The following CERS6 variants were observed in gnomAD, a reference collection of about 807,000 sequenced individuals.
The protein encoded by CERS6 is ceramide synthase 6, also known as LAG1 homolog, ceramide synthase 6.
A neutral mutation model predicts 56.8 loss-of-function variants in CERS6; 26 were observed. That is an observed-to-expected ratio of 0.46 (90% CI 0.34 to 0.63). CERS6 has a LOEUF of 0.63. Ranked by LOEUF, CERS6 falls within the 30% of genes least tolerant of loss-of-function variation. The pLI is 0.01. For synonymous variants in CERS6, 164 were observed against 173.3 expected, an observed-to-expected ratio of 0.95 and a Z score of 0.42; for missense variants, 415 against 467.5, an observed-to-expected ratio of 0.89 and a Z score of 1.04.
intron 2 of CERS6, among the ~76,000 whole-genome samples, chr2:168,552,796 C>A (rs1286356745): frequency 6.6e-6 from 1 of 151,938 alleles, no homozygotes; most frequent in Non-Finnish European, 1.5e-5. Flanking sequence ...AGTAGCAGGT[C>A]AAGAAAATTC....
At chr2:168,734,979 AAGG>A (rs1170115370) in intron 8 of CERS6, among the ~76,000 whole-genome samples, 1 of 152,232 alleles carries the variant, frequency 6.6e-6, no homozygotes, top group Non-Finnish European at 1.5e-5. Flanking sequence ...CCTTAAGCAT[AAGG>A]TAGAACAATC....
intron 8 of CERS6, among the ~76,000 whole-genome samples, chr2:168,747,358 T>C (rs1559078848): frequency 6.6e-6 from 1 of 152,092 alleles, no homozygotes; most frequent in Non-Finnish European, 1.5e-5. Flanking sequence ...TGTCACTAGA[T>C]AAAAGACATG....
At chr2:168,471,596 G>C (rs546003790) in intron 1 of CERS6, among the ~76,000 whole-genome samples, 1 of 152,176 alleles carries the variant, frequency 6.6e-6, no homozygotes, top group South Asian at 2.1e-4. Context: ...CCCTTTTTCA[G>C]AGTTAAAGAT....
intron 4 of CERS6, among the ~76,000 whole-genome samples, chr2:168,655,070 G>A (rs1468790260): frequency 6.6e-6 from 1 of 152,126 alleles, no homozygotes; most frequent in Non-Finnish European, 1.5e-5. Flanking sequence ...TTAAAAGTGG[G>A]CAAAGGACCT....
At chr2:168,645,110 AAAAAAAAT>A (rs1685147872) in intron 4 of CERS6, among the ~76,000 whole-genome samples, 4 of 58,914 alleles carry the variant, frequency 6.8e-5, no homozygotes, top group Admixed American at 2.2e-4. Flanking sequence ...AAAAAAAAAA[AAAAAAAAT>A]ATATATATAT....
intron 1 of CERS6, among the ~76,000 whole-genome samples, chr2:168,519,673 A>C (rs190705000): frequency 3.3e-5 from 5 of 152,334 alleles, no homozygotes; most frequent in African/African-American, 4.8e-5. Context: ...ACTTAGGATA[A>C]TGCCCTCCAG....
At chr2:168,486,139 A>G (rs1285626198) in intron 1 of CERS6, among the ~76,000 whole-genome samples, 1 of 152,086 alleles carries the variant, frequency 6.6e-6, no homozygotes, top group Non-Finnish European at 1.5e-5. Context: ...TACCATTTGT[A>G]TGTCCTTTTT....
At chr2:168,620,806 A>G (rs1406442041) in intron 3 of CERS6, among the ~76,000 whole-genome samples, 1 of 144,426 alleles carries the variant, frequency 6.9e-6, no homozygotes, top group Non-Finnish European at 1.5e-5. Flanking sequence ...TCTGTTGCCC[A>G]GGCTGGATTG....
chr2:168,677,421 A>T (rs1366172458), intron 4 of CERS6, among the ~76,000 whole-genome samples: 1 of 152,102 alleles, frequency 6.6e-6, no homozygotes, highest in African/African-American at 2.4e-5. Flanking sequence ...TCTAACATTG[A>T]TGGGCATTTG....
intron 8 of CERS6, among the ~76,000 whole-genome samples, chr2:168,754,001 G>GC (rs1243067375): frequency 6.6e-6 from 1 of 152,158 alleles, no homozygotes; most frequent in Non-Finnish European, 1.5e-5. Flanking sequence ...GTGGCTTGAT[G>GC]CGGGGGCGGG....
intron 4 of CERS6, among the ~76,000 whole-genome samples, chr2:168,661,430 A>G (rs1050197243): frequency 1.1e-4 from 16 of 152,208 alleles, no homozygotes; most frequent in African/African-American, 3.9e-4. Flanking sequence ...GTTATAGGCA[A>G]TAAGTGGAAA....
chr2:168,580,547 C>A (rs1044705246), intron 3 of CERS6, among the ~76,000 whole-genome samples: 6 of 152,092 alleles, frequency 3.9e-5, no homozygotes, highest in African/African-American at 1.4e-4. Flanking sequence ...ATCTTAGAGA[C>A]ATTATTAACC....
chr2:168,522,369 A>G (rs1002989980), intron 1 of CERS6, among the ~76,000 whole-genome samples: 53 of 152,216 alleles, frequency 3.5e-4, no homozygotes, highest in South Asian at 4.1e-4. Context: ...TACCTTTTAA[A>G]GCAGGGCTCA....
In CERS6 at chr2:168,503,656, G is replaced by A. The variant is rs1460544808; in HGVS notation, c.171-43940G>A. Among the ~76,000 whole-genome samples the A allele has an allele frequency of 1.2e-4, 18 of 152,146 alleles. No individual in the cohort carries two copies. In the East Asian group the frequency reaches 3.5e-3, roughly 29 times the overall value. On this transcript the variant is annotated intron_variant, in intron 1 of 9. Transcript: ENST00000305747. ...ACCCACTTGGCTGCTTGCTGTTCCT[G>A]TGGGGCTGAGTTAGGGCTCTCATGG...
In CERS6 at chr2:168,769,856, C is replaced by T; in HGVS notation, c.*194C>T. On this transcript the variant is annotated 3_prime_UTR_variant, in exon 10 of 10. Coordinates refer to ENST00000305747, the MANE Select transcript of CERS6 (RefSeq NM_203463.3). The stretch of plus-strand genomic sequence containing the variant: ...AGAATTACCATTCTCTCTTTGTAGG[C>T]ATGCTGTATGTAATTGACACAAGGG... 1.7e-6 allele frequency: 1 copy of T among 586,306 alleles called. No individual in the cohort carries two copies. Among genetic ancestry groups the T allele is most frequent in the Non-Finnish European group, 3.0e-6 (1 of 338,952 alleles). The allele number at this position is 586,306 out of a possible 1,614,324, so 36.3% of individuals were successfully genotyped here. A position where few individuals can be genotyped will look rare whatever the true frequency, so the allele number is the denominator to read the frequency against.
At chr2:168,566,645 G>A (rs1483416184) in intron 3 of CERS6, among the ~76,000 whole-genome samples, 1 of 152,086 alleles carries the variant, frequency 6.6e-6, no homozygotes, top group Admixed American at 6.6e-5. Context: ...ATGGAAAGTG[G>A]AGCCTAATAA....
intron 3 of CERS6, among the ~76,000 whole-genome samples, chr2:168,595,333 A>C (rs1470847756): frequency 6.6e-6 from 1 of 152,214 alleles, no homozygotes; most frequent in Non-Finnish European, 1.5e-5. Context: ...TGAAGAAAGT[A>C]TTATTTATTG....
At chr2:168,674,452 T>A (rs1156422038) in intron 4 of CERS6, among the ~76,000 whole-genome samples, 1 of 152,230 alleles carries the variant, frequency 6.6e-6, no homozygotes, top group Non-Finnish European at 1.5e-5. Flanking sequence ...GGCTTCTTGA[T>A]ACTAGTTTTG....
chr2:168,464,009 G>A (rs1693823414), intron 1 of CERS6, among the ~76,000 whole-genome samples: 1 of 152,054 alleles, frequency 6.6e-6, no homozygotes, highest in South Asian at 2.1e-4. Context: ...ATTAATAATT[G>A]GTATTTAATT....
Sources: gnomAD v4.1 joint callset for allele counts (sites outside exome capture counted in the v4.1 genomes callset) on GRCh38, gnomAD v4.1.1 for gene constraint, MANE v1.5 for transcripts, NCBI Gene and HGNC (gene_info 2026-07-23, HGNC 2026-07-21) for gene names.